CCSER1: variants seen among roughly 807,000 people sequenced by gnomAD.
CCSER1 encodes serine-rich coiled-coil domain-containing protein 1.
CCSER1 carries 41 observed loss-of-function variants against 82.0 expected under a neutral mutation model. The observed-to-expected ratio is 0.50, with a 90% CI of 0.39 to 0.65. The LOEUF (loss-of-function observed/expected upper bound fraction) is 0.65. CCSER1 is among the 30% of genes least tolerant of loss of function. The probability of loss-of-function intolerance (pLI) is 0.00; values close to 1 mark genes in which losing one functional copy is unlikely to be tolerated. For missense variants in CCSER1, 1,119 were observed against 1,064.2 expected, an observed-to-expected ratio of 1.05 and a Z score of -0.72; for synonymous variants, 414 against 383.9, an observed-to-expected ratio of 1.08 and a Z score of -0.92.
chr4:91,405,247 C>G (rs903765828), intron 10 of CCSER1, among the ~76,000 whole-genome samples: 2 of 150,258 alleles, frequency 1.3e-5, no homozygotes, highest in African/African-American at 4.9e-5. Context: ...TTTCCATTTG[C>G]TTGGCCATAT....
rs151206379 is a variant in CCSER1 at position 91,565,951 on chromosome 4, C to A, written c.2218-32621C>A. ...GTTGAATAGGAGTGGTGGGAGAAGG[C>A]ATGCTTGTCTTGTGCCTGATTTCAA... is the stretch of plus-strand genomic sequence containing the variant. On this transcript the variant is annotated intron_variant, in intron 10 of 10. Transcript: ENST00000509176. Among the ~76,000 whole-genome samples the A allele has an allele frequency of 5.3e-3, 805 of 152,206 alleles. 3 individuals are homozygous for A. Among genetic ancestry groups the A allele is most frequent in the South Asian group, 0.011 (54 of 4,824 alleles).
chr4:90,830,823 C>T (rs1157453958), intron 8 of CCSER1, among the ~76,000 whole-genome samples: 1 of 152,046 alleles, frequency 6.6e-6, no homozygotes, highest in Non-Finnish European at 1.5e-5. Flanking sequence ...GGTAGTAACA[C>T]TAAATTACTA....
At chr4:90,777,155 G>A (rs1028688849) in intron 7 of CCSER1, among the ~76,000 whole-genome samples, 3 of 151,902 alleles carry the variant, frequency 2.0e-5, no homozygotes, top group African/African-American at 7.2e-5. Context: ...TCAAGAGTTC[G>A]AGACCAGCCC....
intron 3 of CCSER1, among the ~76,000 whole-genome samples, chr4:90,320,982 G>A (rs1009184768): frequency 6.6e-6 from 1 of 151,976 alleles, no homozygotes; most frequent in African/African-American, 2.4e-5. Flanking sequence ...TTTTGATACA[G>A]GAATGCAATT....
intron 10 of CCSER1, among the ~76,000 whole-genome samples, chr4:91,162,910 G>T (rs1449293867): frequency 6.6e-6 from 1 of 151,952 alleles, no homozygotes; most frequent in Non-Finnish European, 1.5e-5. Context: ...TTTTTGAAGG[G>T]TTTTTTGTGT....
At chr4:90,419,726 AATC>A (rs1197291464) in intron 4 of CCSER1, among the ~76,000 whole-genome samples, 4 of 151,900 alleles carry the variant, frequency 2.6e-5, no homozygotes, top group Non-Finnish European at 5.9e-5. Context: ...TGTAGTTCTT[AATC>A]ATCAAGAAAA....
intron 4 of CCSER1, among the ~76,000 whole-genome samples, chr4:90,451,363 C>T (rs1339442782): frequency 1.3e-5 from 2 of 152,162 alleles, no homozygotes; most frequent in East Asian, 1.9e-4. Context: ...ATCCATCTGC[C>T]AGTCTTCCCC....
intron 1 of CCSER1, among the ~76,000 whole-genome samples, chr4:90,251,446 A>T (rs1399050675): frequency 6.6e-6 from 1 of 151,744 alleles, no homozygotes; most frequent in Non-Finnish European, 1.5e-5. Flanking sequence ...TTGTGTTGGA[A>T]TTTGTCCCAT....
chr4:91,009,653 A>G (rs530821561), intron 9 of CCSER1, among the ~76,000 whole-genome samples: 1 of 152,086 alleles, frequency 6.6e-6, no homozygotes, highest in African/African-American at 2.4e-5. Context: ...TTTCATATTT[A>G]TCACTTTTGT....
In CCSER1 at chr4:90,527,422, G is replaced by A. The variant is rs192198294; in HGVS notation, c.1724+59068G>A. 1.8e-4 allele frequency among the ~76,000 whole-genome samples: 28 copies of A among 152,144 alleles called. No homozygotes were observed. The South Asian group carries it at 2.1e-3, about 11-fold the overall frequency. On this transcript the variant is annotated intron_variant, in intron 5 of 10. Transcript: ENST00000509176. ...ATCATCTCATGCCAGTTAGAATAGC[G>A]ATCAAAAGGCTTTTTTATGAGAGAT...
At chr4:91,565,425 G>A (rs1762843231) in intron 10 of CCSER1, among the ~76,000 whole-genome samples, 1 of 151,686 alleles carries the variant, frequency 6.6e-6, no homozygotes, top group Non-Finnish European at 1.5e-5. Flanking sequence ...ATTTTTTCTA[G>A]TTTTATGAAG....
At chr4:91,101,817 CAG>C (rs1387539961) in intron 10 of CCSER1, among the ~76,000 whole-genome samples, 2 of 152,176 alleles carry the variant, frequency 1.3e-5, no homozygotes, top group African/African-American at 4.8e-5. Context: ...CTTAGTGACT[CAG>C]AGAGTGACAA....
At chr4:90,326,844 G>T (rs1009679629) in intron 3 of CCSER1, among the ~76,000 whole-genome samples, 1 of 152,146 alleles carries the variant, frequency 6.6e-6, no homozygotes, top group African/African-American at 2.4e-5. Context: ...AGGGTTGGGT[G>T]TGTACCAGTG....
intron 10 of CCSER1, among the ~76,000 whole-genome samples, chr4:91,167,596 T>G (rs1375461228): frequency 6.6e-6 from 1 of 152,268 alleles, no homozygotes; most frequent in Non-Finnish European, 1.5e-5. Context: ...GAATTGTGAT[T>G]ACACATGCAT....
intron 8 of CCSER1, among the ~76,000 whole-genome samples, chr4:90,914,371 G>T (rs1726944328): frequency 6.6e-6 from 1 of 152,144 alleles, no homozygotes; most frequent in Non-Finnish European, 1.5e-5. Context: ...CATGGAAACT[G>T]AACAACCTGC....
chr4:91,288,906 A>C (rs1483155609), intron 10 of CCSER1, among the ~76,000 whole-genome samples: 1 of 152,034 alleles, frequency 6.6e-6, no homozygotes, highest in Non-Finnish European at 1.5e-5. Context: ...TAAGACTTAG[A>C]GTTGATCAGA....
At chr4:91,257,501 A>ACACACACC (rs1288846438) in intron 10 of CCSER1, among the ~76,000 whole-genome samples, 1 of 145,974 alleles carries the variant, frequency 6.9e-6, no homozygotes, top group African/African-American at 2.5e-5. Context: ...ACACACACAC[A>ACACACACC]CCCATTTCTG....
chr4:91,486,437 C>T (rs1462233849), intron 10 of CCSER1, among the ~76,000 whole-genome samples: 2 of 151,986 alleles, frequency 1.3e-5, no homozygotes, highest in South Asian at 2.1e-4. Flanking sequence ...AAAAAAGGAA[C>T]TATTTCAGAT....
intron 10 of CCSER1, among the ~76,000 whole-genome samples, chr4:91,317,724 T>A (rs1006321101): frequency 6.6e-6 from 1 of 151,884 alleles, no homozygotes; most frequent in Non-Finnish European, 1.5e-5. Flanking sequence ...TGAGAACATG[T>A]TGACCTTGGT....
Sources: allele counts gnomAD v4.1 joint callset (sites outside exome capture counted in the v4.1 genomes callset), GRCh38; gene constraint gnomAD v4.1.1; transcripts MANE v1.5; gene names NCBI Gene and HGNC (gene_info 2026-07-23, HGNC 2026-07-21).